The following ATP5PB variants were observed in gnomAD, a reference collection of about 807,000 sequenced individuals.
ATP5PB encodes ATP synthase peripheral stalk-membrane subunit b.
A neutral mutation model predicts 34.5 loss-of-function variants in ATP5PB; 21 were observed. That is an observed-to-expected ratio of 0.61 (90% CI 0.43 to 0.88). The LOEUF (loss-of-function observed/expected upper bound fraction) is 0.88, where lower values mean the gene tolerates loss of function less well. Ranked by LOEUF, ATP5PB falls within the 40% of genes least tolerant of loss-of-function variation. ATP5PB has a pLI of 0.00. For synonymous variants in ATP5PB, 108 were observed against 114.1 expected (o/e 0.95, Z 0.34); for missense variants, 293 against 317.4 (o/e 0.92, Z 0.58).
chr1:111,458,934 T>C (rs1323260327), intron 5 of ATP5PB, among the ~76,000 whole-genome samples: 1 of 152,196 alleles, frequency 6.6e-6, no homozygotes, highest in Non-Finnish European at 1.5e-5. Flanking sequence ...TTTAATTGAA[T>C]CTAAACACAA....
chr1:111,456,590 G>T (rs759347739), intron 4 of ATP5PB, 40 bp from the exon 5 acceptor site: 10 of 1,593,400 alleles, frequency 6.3e-6, no homozygotes, highest in Admixed American at 5.4e-5. Flanking sequence ...TTTACCCTTT[G>T]TGCTTTCACT....
intron 5 of ATP5PB, among the ~76,000 whole-genome samples, chr1:111,457,569 G>A (rs1008529489): frequency 2.6e-5 from 4 of 152,112 alleles, no homozygotes; most frequent in Admixed American, 1.3e-4. Context: ...GGTAGAGTAA[G>A]CATCTGAAAT....
In ATP5PB at chr1:111,449,885, G is replaced by C. The variant is rs749711287; in HGVS notation, c.77+12G>C. The C allele has an allele frequency of 6.2e-7, 1 of 1,614,122 alleles. No individual in the cohort carries two copies. The highest frequency in any genetic ancestry group is 8.5e-7 in the Non-Finnish European group (1 of 1,179,984). On this transcript the variant is annotated intron_variant, in intron 2 of 6. Transcript: ENST00000369722. ...TTCCTAGGTCCAGGGTAAGTGTGAG[G>C]ATAATGCTCCCTTTCGTCTTTGTTT...
rs766220727 is a variant in ATP5PB, at chr1:111,456,174, A to G, written c.312A>G (p.Ser104=). Residue 104 remains serine, a synonymous_variant, in exon 4 of 7, where the codon TCA becomes TCG. Coordinates refer to ENST00000369722, the MANE Select transcript of ATP5PB (RefSeq NM_001688.5). The part of the protein sequence containing the change: ...VISAETFTAL[S]VLGVMVYGIK... The stretch of plus-strand genomic sequence containing the variant: ...GCGCAGAGACCTTCACTGCCCTATC[A>G]GTACTAGGTGTAATGGTCTATGGAA... 6.0e-5 allele frequency: 97 copies of G among 1,612,922 alleles called. 1 individual carries two copies. Among genetic ancestry groups the G allele is most frequent in the Non-Finnish European group, 6.9e-5 (81 of 1,179,372 alleles).
Position 111,456,717 on chromosome 1 carries a change from C to T in ATP5PB, c.475C>T (p.Leu159=), listed in dbSNP as rs1216504634. 3.1e-6 allele frequency: 5 copies of T among 1,613,232 alleles called. No homozygotes were observed. In the South Asian group the frequency reaches 3.3e-5, roughly 11 times the overall value. The change falls in exon 5 of 7, where the codon CTG becomes TTG. Residue 159 remains leucine, a synonymous_variant. Coordinates refer to ENST00000369722, the MANE Select transcript of ATP5PB (RefSeq NM_001688.5). ...TGATACGGAGAAGTCACAACAGGCA[C>T]TGGTTCAGAAGCGCCATTACCTTTT... ...AIDTEKSQQA[L]VQKRHYLFDV...
chr1:111,451,869 C>T (rs996032901), intron 2 of ATP5PB, among the ~76,000 whole-genome samples: 3 of 151,998 alleles, frequency 2.0e-5, no homozygotes, highest in African/African-American at 4.8e-5. Flanking sequence ...CCTATAATCC[C>T]GAGGCCAAGG....
At chr1:111,457,159 C>T (rs111899841) in intron 5 of ATP5PB, among the ~76,000 whole-genome samples, 2,176 of 152,214 alleles carry the variant, frequency 0.014, 27 homozygotes, top group Non-Finnish European at 0.024. Flanking sequence ...TCTAAATCCA[C>T]AAAGCAGGCA....
At position 111,456,301 on chromosome 1, in the gene ATP5PB, T is replaced by C. The variant is rs141114115; in HGVS notation, c.387+52T>C. The stretch of plus-strand genomic sequence containing the variant: ...TTTTAGACTAGCAGAAACATGAAGG[T>C]CATCTAGTGATATTTTTGATATGAG... On this transcript the variant is annotated intron_variant, in intron 4 of 6. Transcript: ENST00000369722. 340 of 1,478,240 alleles carry C rather than the reference T, an allele frequency of 2.3e-4. 1 individual carries two copies. In the African/African-American group the frequency reaches 4.1e-3, roughly 18 times the overall value. The allele number at this position is 1,478,240 out of a possible 1,614,324, so 91.6% of individuals were successfully genotyped here.
intron 2 of ATP5PB, among the ~76,000 whole-genome samples, chr1:111,453,850 T>G (rs1653397007): frequency 6.6e-6 from 1 of 152,222 alleles, no homozygotes; most frequent in Non-Finnish European, 1.5e-5. Flanking sequence ...AGTTCTTTAC[T>G]CAAAGTCAAG....
chr1:111,455,980 TAA>T, intron 3 of ATP5PB, 104 bp from the exon 4 acceptor site: 2 of 992,476 alleles, frequency 2.0e-6, no homozygotes, highest in Non-Finnish European at 2.8e-6. Flanking sequence ...TGAATCTAAT[TAA>T]GTCATTACTT....
intron 2 of ATP5PB, among the ~76,000 whole-genome samples, chr1:111,453,361 A>G (rs1436469290): frequency 6.6e-6 from 1 of 151,892 alleles, no homozygotes; most frequent in East Asian, 1.9e-4. Context: ...TAAATTGGCC[A>G]GACTATACTT....
rs547452073 is a variant in ATP5PB at position 111,462,554 on chromosome 1, A to G, written c.*1560A>G. 1.2e-4 allele frequency: 18 copies of G among 152,314 alleles called. No homozygotes were observed. The highest frequency in any genetic ancestry group is 4.3e-4 in the African/African-American group (18 of 41,568). 9.4% of individuals were successfully genotyped at this position (152,314 alleles called of 1,614,324 possible). ...TGTACAAGGATTTATTTGTATTCAA[A>G]TGGACAAATTACGCAATAGGAAATA... On this transcript the variant is annotated 3_prime_UTR_variant, in exon 7 of 7. Transcript: ENST00000369722.
chr1:111,452,311 TA>T (rs1557799302), intron 2 of ATP5PB, among the ~76,000 whole-genome samples: 1 of 152,136 alleles, frequency 6.6e-6, no homozygotes, highest in East Asian at 1.9e-4. Context: ...CTCACGCCTG[TA>T]ATTTCAGCAC....
intron 5 of ATP5PB, among the ~76,000 whole-genome samples, chr1:111,458,601 G>A (rs944486252): frequency 1.2e-4 from 18 of 148,816 alleles, no homozygotes; most frequent in African/African-American, 4.4e-4. Flanking sequence ...GGGAGGCCTG[G>A]GACTGTGATA....
intron 3 of ATP5PB, among the ~76,000 whole-genome samples, chr1:111,454,733 C>T (rs972889468): frequency 1.7e-4 from 26 of 152,208 alleles, no homozygotes; most frequent in Admixed American, 2.0e-4. Flanking sequence ...TTGAGCCACC[C>T]GCCTGCAGCC....
chr1:111,459,696 G>T, intron 6 of ATP5PB, 60 bp downstream of exon 6: 3 of 1,527,138 alleles, frequency 2.0e-6, no homozygotes, highest in Middle Eastern at 1.7e-4. Context: ...AGTATCTGCT[G>T]ATGTTTTGTT....
chr1:111,452,422 G>T (rs1336278551), intron 2 of ATP5PB, among the ~76,000 whole-genome samples: 2 of 152,008 alleles, frequency 1.3e-5, no homozygotes, highest in East Asian at 1.9e-4. Context: ...AAATAGCTGG[G>T]TGTGGTGGCA....
At chr1:111,459,215 A>T (rs1284773548) in intron 5 of ATP5PB, among the ~76,000 whole-genome samples, 1 of 152,224 alleles carries the variant, frequency 6.6e-6, no homozygotes, top group African/African-American at 2.4e-5. Flanking sequence ...GAGGGAATAC[A>T]AGAAATACAG....
chr1:111,458,743 G>A (rs1653536264), intron 5 of ATP5PB, among the ~76,000 whole-genome samples: 2 of 152,100 alleles, frequency 1.3e-5, no homozygotes, highest in South Asian at 2.1e-4. Flanking sequence ...GATGCCTATG[G>A]GTTAGCCAAG....
Sources: allele counts gnomAD v4.1 joint callset (sites outside exome capture counted in the v4.1 genomes callset), GRCh38; gene constraint gnomAD v4.1.1; transcripts MANE v1.5; gene names NCBI Gene and HGNC (gene_info 2026-07-23, HGNC 2026-07-21).